FCHSD2: variants seen among roughly 807,000 people sequenced by gnomAD.
FCHSD2 encodes F-BAR and double SH3 domains protein 2.
A neutral mutation model predicts 108.1 loss-of-function variants in FCHSD2; 38 were observed. The ratio of observed to expected loss-of-function variants is 0.35; its 90% confidence interval spans 0.27 to 0.46. The LOEUF (loss-of-function observed/expected upper bound fraction) is 0.46, where lower values mean the gene tolerates loss of function less well. Ranked by LOEUF, FCHSD2 falls within the 20% of genes least tolerant of loss-of-function variation. The probability of loss-of-function intolerance (pLI) is 1.00; values close to 1 mark genes in which losing one functional copy is unlikely to be tolerated. For synonymous variants in FCHSD2, 279 were observed against 314.7 expected (o/e 0.89, Z 1.20); for missense variants, 751 against 897.8 (o/e 0.84, Z 2.09).
At position 72,838,575 on chromosome 11, in the gene FCHSD2, G is replaced by A; in HGVS notation, c.*216C>T. Reference sequence around the variant, plus strand: ...TAGGGTCCGCTAGGATTTGTGCTATGGTAGGAGAAATGACATAGAAAATGA... The same window carrying A: ...TAGGGTCCGCTAGGATTTGTGCTATAGTAGGAGAAATGACATAGAAAATGA... On this transcript the variant is annotated 3_prime_UTR_variant, in exon 20 of 20. Coordinates refer to ENST00000409418, the MANE Select transcript of FCHSD2 (RefSeq NM_014824.3). 1.7e-6 allele frequency: 1 copy of A among 579,698 alleles called. No individual in the cohort carries two copies. The allele number at this position is 579,698 out of a possible 1,614,324, so 35.9% of individuals were successfully genotyped here.
At chr11:72,854,463 G>A (rs112074658) in intron 13 of FCHSD2, among the ~76,000 whole-genome samples, 5 of 152,290 alleles carry the variant, frequency 3.3e-5, no homozygotes, top group Non-Finnish European at 5.9e-5. Context: ...ACAGGGTCTC[G>A]CTCTGCTGCC....
At chr11:72,846,010 A>G (rs1397223937) in intron 14 of FCHSD2, among the ~76,000 whole-genome samples, 1 of 152,140 alleles carries the variant, frequency 6.6e-6, no homozygotes, top group East Asian at 1.9e-4. Context: ...GGGGTGTTTG[A>G]TAATATCTTC....
chr11:73,101,747 AAACAC>A (rs796376782), intron 2 of FCHSD2, among the ~76,000 whole-genome samples: 22 of 151,960 alleles, frequency 1.4e-4, no homozygotes, highest in African/African-American at 4.6e-4. Context: ...CCCCCGAAAA[AAACAC>A]AACACAACAA....
In FCHSD2 at chr11:73,058,811, G is replaced by A. The variant is rs542426219; in HGVS notation, c.165+24884C>T. On this transcript the variant is annotated intron_variant, in intron 3 of 19. Transcript: ENST00000409418. Reference sequence around the variant, plus strand: ...TTGAACTTCTGACCTCAGGTGATCCGCCTGCCTCAGCATCCCAAAGTGCTG... The same window carrying A: ...TTGAACTTCTGACCTCAGGTGATCCACCTGCCTCAGCATCCCAAAGTGCTG... Among the ~76,000 whole-genome samples, 473 of 151,800 alleles carry A rather than the reference G, an allele frequency of 3.1e-3. 1 individual carries two copies. The highest frequency in any genetic ancestry group is 0.011 in the African/African-American group (448 of 41,426).
intron 3 of FCHSD2, among the ~76,000 whole-genome samples, chr11:73,020,094 T>C (rs1858066027): frequency 6.6e-6 from 1 of 152,232 alleles, no homozygotes; most frequent in Non-Finnish European, 1.5e-5. Context: ...ACTATCAATA[T>C]ACTCTTTGAA....
chr11:73,019,901 G>A (rs530565055), intron 3 of FCHSD2, among the ~76,000 whole-genome samples: 33 of 152,212 alleles, frequency 2.2e-4, no homozygotes, highest in Middle Eastern at 3.4e-3. Context: ...CCTATGTCTT[G>A]CAATTTTTTA....
intron 2 of FCHSD2, among the ~76,000 whole-genome samples, chr11:73,110,150 CTTTTT>C (rs55744506): frequency 0.015 from 2,205 of 146,976 alleles, 31 homozygotes; most frequent in Non-Finnish European, 0.022. Context: ...TAGTTTTCTT[CTTTTT>C]TTTTTTGATG....
At chr11:72,888,973 T>C (rs148237286) in intron 11 of FCHSD2, among the ~76,000 whole-genome samples, 2 of 152,060 alleles carry the variant, frequency 1.3e-5, no homozygotes, top group Non-Finnish European at 2.9e-5. Context: ...TTTCTTTTTA[T>C]TGAGACAGAG....
In FCHSD2 at chr11:73,078,994, C is replaced by T. The variant is rs145405823; in HGVS notation, c.165+4701G>A. Reference sequence around the variant, plus strand: ...CTGGCCTCACCAAGTGTTGGGATTACAGGCGTGCGCTACCGCACCTGGCCT... The same window carrying T: ...CTGGCCTCACCAAGTGTTGGGATTATAGGCGTGCGCTACCGCACCTGGCCT... On this transcript the variant is annotated intron_variant, in intron 3 of 19. Coordinates refer to ENST00000409418, the MANE Select transcript of FCHSD2 (RefSeq NM_014824.3). 7.9e-5 allele frequency among the ~76,000 whole-genome samples: 12 copies of T among 152,300 alleles called. No individual in the cohort carries two copies. The East Asian group carries it at 2.3e-3, about 29-fold the overall frequency.
intron 8 of FCHSD2, among the ~76,000 whole-genome samples, chr11:72,971,927 T>C (rs1475665191): frequency 1.3e-5 from 2 of 152,192 alleles, no homozygotes; most frequent in Non-Finnish European, 2.9e-5. Flanking sequence ...TTTGGGAGGA[T>C]AGAAATATTC....
intron 10 of FCHSD2, among the ~76,000 whole-genome samples, chr11:72,892,658 G>A (rs1325192986): frequency 2.0e-5 from 3 of 152,148 alleles, no homozygotes; most frequent in Non-Finnish European, 2.9e-5. Context: ...AGGCTGGAGT[G>A]CAGTGGCATG....
chr11:73,084,194 G>A (rs1318303162), intron 2 of FCHSD2, among the ~76,000 whole-genome samples: 2 of 152,106 alleles, frequency 1.3e-5, no homozygotes, highest in East Asian at 1.9e-4. Context: ...ATGTAAGAGG[G>A]AACTAATGAA....
intron 2 of FCHSD2, among the ~76,000 whole-genome samples, chr11:73,101,991 C>A (rs1860236916): frequency 6.6e-6 from 1 of 152,198 alleles, no homozygotes; most frequent in Non-Finnish European, 1.5e-5. Flanking sequence ...CCAGAAGCTG[C>A]AGACCCAGAT....
chr11:72,997,521 G>T (rs556903565), intron 5 of FCHSD2, among the ~76,000 whole-genome samples: 7 of 151,968 alleles, frequency 4.6e-5, no homozygotes, highest in African/African-American at 1.7e-4. Flanking sequence ...AACCGCAGGC[G>T]GTTAAAAGAG....
chr11:72,960,279 G>A (rs1489647281), intron 8 of FCHSD2, among the ~76,000 whole-genome samples: 3 of 152,166 alleles, frequency 2.0e-5, no homozygotes, highest in Non-Finnish European at 4.4e-5. Context: ...AGCGATTCAT[G>A]AGGGATCCAC....
chr11:73,126,339 TAAAAAAAAAA>T (rs61586562), intron 2 of FCHSD2, among the ~76,000 whole-genome samples: 57 of 27,660 alleles, frequency 2.1e-3, no homozygotes, highest in Middle Eastern at 0.038. Flanking sequence ...GATTCCATCT[TAAAAAAAAAA>T]AAAAAAAAAA....
chr11:72,851,492 G>C (rs561105350), intron 13 of FCHSD2, among the ~76,000 whole-genome samples: 1 of 152,260 alleles, frequency 6.6e-6, no homozygotes, highest in African/African-American at 2.4e-5. Flanking sequence ...TGTAATCCCA[G>C]CACTTTGGGA....
At chr11:73,091,620 CAT>C (rs1565405897) in intron 2 of FCHSD2, among the ~76,000 whole-genome samples, 1 of 152,186 alleles carries the variant, frequency 6.6e-6, no homozygotes, top group Non-Finnish European at 1.5e-5. Context: ...ACCACATTCA[CAT>C]GTTATGCCCC....
At chr11:72,909,080 T>A (rs1855693466) in intron 9 of FCHSD2, among the ~76,000 whole-genome samples, 1 of 152,120 alleles carries the variant, frequency 6.6e-6, no homozygotes, top group South Asian at 2.1e-4. Context: ...CCGGTCTCCC[T>A]CTGTTGCCGA....
Sources: gnomAD v4.1 joint callset for allele counts (sites outside exome capture counted in the v4.1 genomes callset) on GRCh38, gnomAD v4.1.1 for gene constraint, MANE v1.5 for transcripts, NCBI Gene and HGNC (gene_info 2026-07-23, HGNC 2026-07-21) for gene names.